PSTPIP2: variants seen among roughly 807,000 people sequenced by gnomAD.
PSTPIP2 encodes proline-serine-threonine phosphatase interacting protein 2.
A neutral mutation model predicts 63.3 loss-of-function variants in PSTPIP2; 33 were observed. The observed-to-expected ratio is 0.52, with a 90% CI of 0.40 to 0.70. The LOEUF is 0.70. PSTPIP2 is among the 30% of genes least tolerant of loss of function. PSTPIP2 has a pLI of 0.00. For synonymous variants in PSTPIP2, 125 were observed against 132.7 expected (o/e 0.94, Z 0.40); for missense variants, 312 against 400.7 (o/e 0.78, Z 1.89).
intron 14 of PSTPIP2, 123 bp from the exon 15 acceptor site, chr18:45,985,573 T>A (rs148918117): frequency 3.3e-6 from 3 of 898,320 alleles, no homozygotes; most frequent in Admixed American, 5.6e-5. Flanking sequence ...TGGTGAGGAA[T>A]GGGTATTCCA....
rs374625567 is a variant in PSTPIP2 at position 45,997,888 on chromosome 18, A to G, written c.563-60T>C. ...AGACAGGAAGGTGGCTCGCAGATAC[A>G]CCCACAGGCTGGTCTCAGATGGCAA... On this transcript the variant is annotated intron_variant, in intron 8 of 14. Transcript: ENST00000409746. The G allele has an allele frequency of 4.5e-5, 66 of 1,470,062 alleles. No homozygotes were observed. In the African/African-American group the frequency reaches 6.8e-4, roughly 15 times the overall value. The allele number at this position is 1,470,062 out of a possible 1,614,324, so 91.1% of individuals were successfully genotyped here. A position where few individuals can be genotyped will look rare whatever the true frequency, so the allele number is the denominator to read the frequency against.
chr18:46,010,830 C>G (rs2051787164), intron 5 of PSTPIP2: 1 of 202,420 alleles, frequency 4.9e-6, no homozygotes, highest in African/African-American at 2.3e-5. Context: ...ATTGCCTTGT[C>G]CAGGATGAGG....
intron 13 of PSTPIP2, among the ~76,000 whole-genome samples, chr18:45,990,424 TTTTGTTTG>T (rs144038170): frequency 7.3e-5 from 11 of 151,426 alleles, no homozygotes; most frequent in African/African-American, 2.2e-4. Context: ...TTTGGGGTTT[TTTTGTTTG>T]TTTGTTTGTT....
chr18:45,996,755 G>A (rs1599699003), intron 9 of PSTPIP2, among the ~76,000 whole-genome samples: 1 of 152,046 alleles, frequency 6.6e-6, no homozygotes, highest in Non-Finnish European at 1.5e-5. Context: ...AACAGAGCAA[G>A]TCCCTGTCTC....
At chr18:46,033,058 C>T (rs577734455) in intron 2 of PSTPIP2, among the ~76,000 whole-genome samples, 9 of 152,330 alleles carry the variant, frequency 5.9e-5, no homozygotes, top group African/African-American at 2.2e-4. Flanking sequence ...GGGGCTCTCA[C>T]AGAACATCTC....
At chr18:45,991,336 T>G (rs1347318285) in intron 12 of PSTPIP2, among the ~76,000 whole-genome samples, 1 of 152,158 alleles carries the variant, frequency 6.6e-6, no homozygotes. Context: ...AAGGGCCAAG[T>G]AGTAAATGAT....
chr18:46,007,604 C>T (rs2051742472), intron 5 of PSTPIP2, among the ~76,000 whole-genome samples: 1 of 152,210 alleles, frequency 6.6e-6, no homozygotes, highest in Admixed American at 6.5e-5. Context: ...TTGGTCTATT[C>T]CAAAGTCTTT....
chr18:46,041,704 A>G (rs1325410482), intron 1 of PSTPIP2, among the ~76,000 whole-genome samples: 1 of 152,146 alleles, frequency 6.6e-6, no homozygotes, highest in Admixed American at 6.5e-5. Flanking sequence ...ATAACACTCC[A>G]AAGTGTCCCC....
intron 3 of PSTPIP2, among the ~76,000 whole-genome samples, chr18:46,021,714 G>A (rs915427912): frequency 8.6e-5 from 13 of 151,664 alleles, no homozygotes; most frequent in Non-Finnish European, 1.8e-4. Context: ...GGGAGGCCAA[G>A]GCGGATGGAT....
Position 46,051,875 on chromosome 18 carries a change from A to G in PSTPIP2, c.34-11828T>C, listed in dbSNP as rs1908593650. On this transcript the variant is annotated intron_variant, in intron 1 of 14. Transcript: ENST00000409746. Reference sequence around the variant, plus strand: ...GGATATCCCTGAGAGGTGAACAACCACATATATCACAGGGTAGAATTAGTG... The same window carrying G: ...GGATATCCCTGAGAGGTGAACAACCGCATATATCACAGGGTAGAATTAGTG... Among the ~76,000 whole-genome samples, 3 of 152,368 alleles carry G rather than the reference A, an allele frequency of 2.0e-5. No homozygotes were observed. The South Asian group carries it at 6.2e-4, about 32-fold the overall frequency.
Position 46,024,924 on chromosome 18 carries a change from G to A in PSTPIP2, c.135-238C>T, listed in dbSNP as rs190532189. Among the ~76,000 whole-genome samples the A allele has an allele frequency of 2.7e-4, 41 of 152,262 alleles. No individual in the cohort carries two copies. The South Asian group carries it at 6.0e-3, about 22-fold the overall frequency. On this transcript the variant is annotated intron_variant, in intron 2 of 14. Coordinates refer to ENST00000409746, the MANE Select transcript of PSTPIP2 (RefSeq NM_024430.4). ...GAAGTCCCTAACATGGACATTATGC[G>A]AACATTACAGTAAAACTGAACATTT...
In PSTPIP2 at chr18:46,017,904, C is replaced by T. The variant is rs1273714575; in HGVS notation, c.213-1967G>A. ...TTTGTATCCTTTGATCAACATTTCC[C>T]CAAACCTTGTCCCCAGCCTCTCCTG... On this transcript the variant is annotated intron_variant, in intron 3 of 14. Transcript: ENST00000409746. 4.6e-5 allele frequency among the ~76,000 whole-genome samples: 7 copies of T among 152,142 alleles called. No homozygotes were observed. In the East Asian group the frequency reaches 1.4e-3, roughly 29 times the overall value.
intron 1 of PSTPIP2, among the ~76,000 whole-genome samples, chr18:46,051,399 C>A (rs976768350): frequency 6.6e-6 from 1 of 151,922 alleles, no homozygotes; most frequent in Non-Finnish European, 1.5e-5. Flanking sequence ...CACTTGAGCC[C>A]GGGAAGTGGA....
At chr18:46,066,898 A>T (rs973057030) in intron 1 of PSTPIP2, among the ~76,000 whole-genome samples, 3 of 151,378 alleles carry the variant, frequency 2.0e-5, no homozygotes. Context: ...GTGGTGGCGC[A>T]TGCCTGTAAT....
At chr18:46,050,417 T>A (rs1908546801) in intron 1 of PSTPIP2, among the ~76,000 whole-genome samples, 2 of 151,948 alleles carry the variant, frequency 1.3e-5, no homozygotes, top group African/African-American at 4.8e-5. Flanking sequence ...AAAAAAATTT[T>A]AAAAATTAGC....
intron 1 of PSTPIP2, among the ~76,000 whole-genome samples, chr18:46,041,633 GATGCAGTAC>G (rs1213750945): frequency 3.3e-5 from 5 of 152,158 alleles, no homozygotes; most frequent in Non-Finnish European, 7.3e-5. Flanking sequence ...AGTAGCCTCA[GATGCAGTAC>G]ATTTTAAAAA....
intron 1 of PSTPIP2, among the ~76,000 whole-genome samples, chr18:46,061,894 G>A (rs1447212685): frequency 4.6e-5 from 7 of 152,172 alleles, no homozygotes; most frequent in Admixed American, 2.0e-4. Context: ...GCAGTGAAGG[G>A]ACTTAGATGC....
chr18:46,004,660 C>T (rs924680386), intron 6 of PSTPIP2, among the ~76,000 whole-genome samples: 3 of 151,974 alleles, frequency 2.0e-5, no homozygotes, highest in Admixed American at 1.3e-4. Flanking sequence ...TATATTTTCT[C>T]GGGTTACCAG....
intron 8 of PSTPIP2, 91 bp downstream of exon 8, chr18:45,998,703 G>T: frequency 7.8e-7 from 1 of 1,285,176 alleles, no homozygotes; most frequent in East Asian, 2.4e-5. Flanking sequence ...CTCTCTTTAA[G>T]GTATATAAAA....
Sources: allele counts gnomAD v4.1 joint callset (sites outside exome capture counted in the v4.1 genomes callset), GRCh38; gene constraint gnomAD v4.1.1; transcripts MANE v1.5; gene names NCBI Gene and HGNC (gene_info 2026-07-23, HGNC 2026-07-21).